Variants in OCA2 observed in about 807,000 individuals in gnomAD.
OCA2 encodes P protein.
OCA2 carries 77 observed loss-of-function variants against 100.2 expected under a neutral mutation model. The observed-to-expected ratio is 0.77, with a 90% CI of 0.64 to 0.93. The LOEUF (loss-of-function observed/expected upper bound fraction) is 0.93, where lower values mean the gene tolerates loss of function less well. Ranked by LOEUF, OCA2 falls within the 40% of genes least tolerant of loss-of-function variation. The pLI is 0.00. For synonymous variants in OCA2, 432 were observed against 439.2 expected (o/e 0.98, Z 0.21); for missense variants, 1,062 against 1,089.1 (o/e 0.98, Z 0.35).
chr15:27,886,818 C>G (rs2037241153), intron 19 of OCA2, among the ~76,000 whole-genome samples: 1 of 152,078 alleles, frequency 6.6e-6, no homozygotes. Context: ...ACCTATAAAC[C>G]CTGGGAATAA....
intron 2 of OCA2, among the ~76,000 whole-genome samples, chr15:28,032,403 A>C (rs2042931190): frequency 6.6e-6 from 1 of 152,218 alleles, no homozygotes; most frequent in Non-Finnish European, 1.5e-5. Context: ...GAGACCAAAT[A>C]CTATGGGATG....
intron 21 of OCA2, among the ~76,000 whole-genome samples, chr15:27,853,873 G>A (rs546097959): frequency 4.6e-5 from 7 of 152,158 alleles, no homozygotes; most frequent in African/African-American, 9.7e-5. Context: ...AACAGAAAGC[G>A]GACCCCAGTG....
Position 27,824,578 on chromosome 15 carries a change from T to TTCTCTCTCTCTC in OCA2, c.2432+20369_2432+20380dup, listed in dbSNP as rs368293640. On this transcript the variant is annotated intron_variant, in intron 23 of 23. Transcript: ENST00000354638. The stretch of plus-strand genomic sequence containing the variant: ...CTAATTTCTTTTGAATAAATACAAT[T>TTCTCTCTCTCTC]TCTCTCTCTCTCTCTCTCTCTCTCT... Among the ~76,000 whole-genome samples, 92 of 53,478 alleles carry TTCTCTCTCTCTC rather than the reference T, an allele frequency of 1.7e-3. 2 individuals carry two copies. The highest frequency in any genetic ancestry group is 0.016 in the Middle Eastern group (1 of 64). 35.1% of individuals were successfully genotyped at this position (53,478 alleles called of 152,430 possible).
intron 14 of OCA2, among the ~76,000 whole-genome samples, chr15:27,982,185 T>C (rs1389326666): frequency 6.6e-6 from 1 of 152,204 alleles, no homozygotes; most frequent in Admixed American, 6.5e-5. Flanking sequence ...ACAAACACTC[T>C]AGGATGCTAT....
chr15:28,036,120 A>G (rs887892410), intron 2 of OCA2, among the ~76,000 whole-genome samples: 5 of 152,190 alleles, frequency 3.3e-5, no homozygotes, highest in South Asian at 2.1e-4. Context: ...CTACAATGTG[A>G]TTTTTAAATG....
At chr15:27,934,758 G>A (rs973698211) in intron 18 of OCA2, among the ~76,000 whole-genome samples, 6 of 152,158 alleles carry the variant, frequency 3.9e-5, no homozygotes, top group Non-Finnish European at 8.8e-5. Context: ...TCCTGCTATA[G>A]CACTCATCCA....
intron 11 of OCA2, among the ~76,000 whole-genome samples, chr15:27,987,915 C>T (rs1028258861): frequency 8.5e-5 from 13 of 152,154 alleles, no homozygotes; most frequent in Middle Eastern, 3.4e-3. Flanking sequence ...CTATAGAAAA[C>T]AAAAATGTCC....
At chr15:27,870,814 G>GAA (rs1567042694) in intron 21 of OCA2, among the ~76,000 whole-genome samples, 57 of 137,858 alleles carry the variant, frequency 4.1e-4, no homozygotes, top group African/African-American at 1.8e-3. Flanking sequence ...GAAAGAAAGA[G>GAA]AGAGAGAAAG....
chr15:27,949,343 C>T (rs1226941036), intron 18 of OCA2, among the ~76,000 whole-genome samples: 1 of 152,172 alleles, frequency 6.6e-6, no homozygotes. Context: ...GAACGAGGCT[C>T]AACTTACACA....
chr15:27,811,190 T>TA (rs34031304), intron 23 of OCA2, among the ~76,000 whole-genome samples: 71,586 of 150,574 alleles, frequency 0.48, 17,304 homozygotes, highest in South Asian at 0.75. Context: ...TACTTAGCCG[T>TA]AAAAAAAAAA....
chr15:27,829,278 A>G (rs1330972597), intron 23 of OCA2, among the ~76,000 whole-genome samples: 1 of 123,704 alleles, frequency 8.1e-6, no homozygotes, highest in Non-Finnish European at 1.7e-5. Flanking sequence ...TAGAAGATAG[A>G]TGATAGATAG....
chr15:27,753,304 T>G (rs2030136725), downstream of OCA2, among the ~76,000 whole-genome samples: 2 of 129,482 alleles, frequency 1.5e-5, no homozygotes, highest in African/African-American at 3.0e-5. Flanking sequence ...CCAGGGTGGG[T>G]GTAACACGGA....
At chr15:28,024,584 C>A (rs1485830822) in intron 5 of OCA2, among the ~76,000 whole-genome samples, 2 of 152,220 alleles carry the variant, frequency 1.3e-5, no homozygotes, top group Non-Finnish European at 2.9e-5. Context: ...CAGCCAGCTA[C>A]CCGACCTTCC....
At chr15:28,012,199 A>T (rs773705461) in intron 9 of OCA2, among the ~76,000 whole-genome samples, 8 of 152,252 alleles carry the variant, frequency 5.3e-5, no homozygotes, top group African/African-American at 1.4e-4. Flanking sequence ...ATCCAACATT[A>T]TCATCATTAG....
intron 2 of OCA2, among the ~76,000 whole-genome samples, chr15:28,044,249 G>T (rs2043284034): frequency 6.6e-6 from 1 of 152,172 alleles, no homozygotes; most frequent in Admixed American, 6.5e-5. Context: ...ACATTCAAGG[G>T]CATTCTCTGA....
intron 19 of OCA2, among the ~76,000 whole-genome samples, chr15:27,911,421 A>G (rs896566436): frequency 3.3e-5 from 5 of 152,156 alleles, no homozygotes; most frequent in Admixed American, 6.5e-5. Context: ...CAAGAAGAAA[A>G]GAAAAAAGAA....
chr15:28,098,080 G>A (rs1158219343), intron 1 of OCA2, among the ~76,000 whole-genome samples: 1 of 152,208 alleles, frequency 6.6e-6, no homozygotes, highest in Non-Finnish European at 1.5e-5. Context: ...CCAGGGGCTG[G>A]AGGTTGCGTT....
chr15:27,799,869 C>T (rs2033520115), intron 23 of OCA2, among the ~76,000 whole-genome samples: 1 of 152,026 alleles, frequency 6.6e-6, no homozygotes, highest in South Asian at 2.1e-4. Flanking sequence ...GACCCCACAC[C>T]AGTAGTGGGC....
At chr15:27,913,891 GAAAGCAAGCAAGCAAGCA>G (rs2038538102) in intron 19 of OCA2, among the ~76,000 whole-genome samples, 2 of 42,070 alleles carry the variant, frequency 4.8e-5, no homozygotes, top group African/African-American at 2.0e-4. Flanking sequence ...AAGAAAGAAA[GAAAGCAAGCAAGCAAGCA>G]AGCAAGCAAG....
Sources: gnomAD v4.1 joint callset for allele counts (sites outside exome capture counted in the v4.1 genomes callset) on GRCh38, gnomAD v4.1.1 for gene constraint, MANE v1.5 for transcripts, NCBI Gene and HGNC (gene_info 2026-07-23, HGNC 2026-07-21) for gene names.